Variants in LITAF observed in about 807,000 individuals in gnomAD.
The protein encoded by LITAF is lipopolysaccharide-induced tumor necrosis factor-alpha factor.
Under a neutral mutation model 14.5 loss-of-function variants are expected in LITAF, and 9 were observed. The ratio of observed to expected loss-of-function variants is 0.62; its 90% CI spans 0.37 to 1.08. The LOEUF (loss-of-function observed/expected upper bound fraction) is 1.08, where lower values mean the gene tolerates loss of function less well. Ranked by LOEUF, LITAF falls within the 50% of genes least tolerant of loss-of-function variation. The pLI is 0.01. For synonymous variants in LITAF, 98 were observed against 88.2 expected, an observed-to-expected ratio of 1.11 and a Z score of -0.62; for missense variants, 206 against 213.4, an observed-to-expected ratio of 0.97 and a Z score of 0.22.
upstream of LITAF, among the ~76,000 whole-genome samples, chr16:11,589,744 C>T (rs1426201343): frequency 1.3e-5 from 2 of 151,076 alleles, no homozygotes; most frequent in Non-Finnish European, 2.9e-5. Flanking sequence ...TCAGCCTCCT[C>T]AGTAGCTGGG....
intron 1 of LITAF, among the ~76,000 whole-genome samples, chr16:11,573,448 A>C (rs2064577726): frequency 1.3e-5 from 2 of 152,242 alleles, no homozygotes; most frequent in Admixed American, 1.3e-4. Context: ...AATAACCCCC[A>C]CATGTGGCTG....
intron 1 of LITAF, among the ~76,000 whole-genome samples, chr16:11,585,188 G>T (rs369859156): frequency 1.4e-5 from 2 of 146,626 alleles, no homozygotes; most frequent in East Asian, 4.0e-4. Context: ...AGCCGAGATC[G>T]CACCACTGCA....
At chr16:11,563,715 G>A (rs528660242) in intron 1 of LITAF, among the ~76,000 whole-genome samples, 87 of 152,202 alleles carry the variant, frequency 5.7e-4, no homozygotes, top group East Asian at 9.7e-4. Flanking sequence ...ATGATCAGCC[G>A]AGGATGGAAA....
rs142076172 is a variant in LITAF, at chr16:11,613,832, G to A, written c.85+19701C>T. On this transcript the variant is annotated intron_variant, in intron 3 of 3. Transcript: ENST00000574848. ...TCAGAAATGAGGATCTGTACTCCGAGAGCCGGCCTCACCCTGCCACATGTT... is the reference window on the plus strand; with the variant it reads ...TCAGAAATGAGGATCTGTACTCCGAAAGCCGGCCTCACCCTGCCACATGTT... Among the ~76,000 whole-genome samples the A allele has an allele frequency of 9.8e-5, 15 of 152,348 alleles. No homozygotes were observed. In the East Asian group the frequency reaches 2.9e-3, roughly 29 times the overall value.
rs1322564162 is a variant in LITAF at position 11,548,193 on chromosome 16, T to C, written c.*1444A>G. 6.6e-6 allele frequency: 3 copies of C among 454,112 alleles called. No homozygotes were observed. Among genetic ancestry groups the C allele is most frequent in the South Asian group, 3.1e-5 (2 of 64,480 alleles). 28.1% of individuals were successfully genotyped at this position (454,112 alleles called of 1,614,324 possible). A position where few individuals can be genotyped will look rare whatever the true frequency, so the allele number is the denominator to read the frequency against. ...AGGTCTAGGTTTTATTTCTACATAG[T>C]AGTATTCACATGAGTTCCCTATTCT... On this transcript the variant is annotated 3_prime_UTR_variant, in exon 4 of 4. Transcript: ENST00000622633.
intron 3 of LITAF, among the ~76,000 whole-genome samples, chr16:11,626,854 T>TG (rs1368773540): frequency 6.6e-6 from 1 of 151,470 alleles, no homozygotes; most frequent in Non-Finnish European, 1.5e-5. Flanking sequence ...TTCTTTTTTT[T>TG]GTTTTTTTTT....
In LITAF at chr16:11,549,660, G is replaced by A; in HGVS notation, c.463C>T (p.Leu155=). Residue 155 remains leucine (L), a synonymous_variant, in exon 4 of 4, where the codon CTG becomes TTG. Transcript: ENST00000622633. The surrounding 1 kb of genome is among the most constrained non-coding windows in gnomAD (Gnocchi z 4.6). The part of the protein sequence containing the change: ...DHYCPNCRAL[L]GTYKRL ...TCCTACAAACGCTTGTAGGTGCCCAGGAGAGCTCTGCAGTTGGGACAGTAA... is the reference window on the plus strand; with the variant it reads ...TCCTACAAACGCTTGTAGGTGCCCAAGAGAGCTCTGCAGTTGGGACAGTAA... The A allele has an allele frequency of 6.2e-7, 1 of 1,613,460 alleles. No individual in the cohort carries two copies. The highest frequency in any genetic ancestry group is 8.5e-7 in the Non-Finnish European group (1 of 1,179,718).
chr16:11,602,982 C>T (rs988942530), upstream of LITAF, among the ~76,000 whole-genome samples: 1 of 151,958 alleles, frequency 6.6e-6, no homozygotes, highest in East Asian at 1.9e-4. Context: ...ATTATGGTTG[C>T]CCATGCCTGT....
chr16:11,550,766 G>A (rs575785801), intron 3 of LITAF, among the ~76,000 whole-genome samples: 15 of 152,224 alleles, frequency 9.9e-5, no homozygotes, highest in Admixed American at 7.9e-4. Flanking sequence ...AAATTGCTGG[G>A]ATTACAGGTG....
chr16:11,602,877 G>A (rs1013476362), upstream of LITAF, among the ~76,000 whole-genome samples: 7 of 151,958 alleles, frequency 4.6e-5, no homozygotes, highest in African/African-American at 1.2e-4. Flanking sequence ...TTGAGAGGCC[G>A]AGGTGGGAGG....
chr16:11,556,836 G>C, intron 1 of LITAF, 101 bp from the exon 2 acceptor site: 5 of 1,040,756 alleles, frequency 4.8e-6, no homozygotes, highest in Non-Finnish European at 7.3e-6. Flanking sequence ...CAGAAATTCT[G>C]AGAAAATGAC....
At chr16:11,585,230 CAAAA>C (rs35542925) in intron 1 of LITAF, among the ~76,000 whole-genome samples, 9 of 90,682 alleles carry the variant, frequency 9.9e-5, no homozygotes, top group Non-Finnish European at 1.4e-4. Flanking sequence ...GACTCTGTCT[CAAAA>C]AAAAAAAAAA....
chr16:11,604,113 T>G (rs538714113), intron 3 of LITAF, among the ~76,000 whole-genome samples: 1 of 152,254 alleles, frequency 6.6e-6, no homozygotes, highest in South Asian at 2.1e-4. Flanking sequence ...GAGGATTGCT[T>G]GAGCCCAGGA....
In LITAF at chr16:11,573,701, C is replaced by CTT. The variant is rs58695999; in HGVS notation, c.-6+13183_-6+13184dup. ...GTGTATGGTGAGAGAAGAAGATATC[C>CTT]TTTTTTTTTTTTTTTTTTTTTTAGG... On this transcript the variant is annotated intron_variant, in intron 1 of 3. Transcript: ENST00000622633. 1.6e-3 allele frequency among the ~76,000 whole-genome samples: 178 copies of CTT among 111,892 alleles called. 3 individuals carry two copies. The highest frequency in any genetic ancestry group is 1.0e-2 in the South Asian group (33 of 3,302). The allele number at this position is 111,892 out of a possible 152,430, so 73.4% of individuals were successfully genotyped here. A position where few individuals can be genotyped will look rare whatever the true frequency, so the allele number is the denominator to read the frequency against.
At chr16:11,603,535 G>A (rs191951051) in intron 3 of LITAF, among the ~76,000 whole-genome samples, 3 of 152,198 alleles carry the variant, frequency 2.0e-5, no homozygotes, top group Non-Finnish European at 4.4e-5. Context: ...TGGAACAGGC[G>A]CTCCAGTTTT....
intron 3 of LITAF, among the ~76,000 whole-genome samples, chr16:11,617,883 G>A (rs898373823): frequency 1.3e-4 from 20 of 151,762 alleles, no homozygotes; most frequent in African/African-American, 4.8e-4. Flanking sequence ...TTCATTTTAT[G>A]TATTTGAGAC....
chr16:11,621,895 C>T (rs1310797156), intron 3 of LITAF, among the ~76,000 whole-genome samples: 1 of 152,198 alleles, frequency 6.6e-6, no homozygotes, highest in African/African-American at 2.4e-5. Context: ...TCCTACGTTG[C>T]TGCAGCCCAT....
At position 11,612,773 on chromosome 16, in the gene LITAF, T is replaced by A. The variant is rs57758888; in HGVS notation, c.85+20760A>T. On this transcript the variant is annotated intron_variant, in intron 3 of 3. Coordinates refer to the LITAF transcript ENST00000574848. ...GGGACGAGGACAGACTGAAAAGAGA[T>A]GTTTGGAGGATGAGTCCGCCCTCTT... Among the ~76,000 whole-genome samples, 111 of 152,248 alleles carry A rather than the reference T, an allele frequency of 7.3e-4. 1 individual carries two copies. The East Asian group carries it at 0.015, about 21-fold the overall frequency.
intron 1 of LITAF, among the ~76,000 whole-genome samples, chr16:11,584,544 C>G (rs570227460): frequency 1.1e-4 from 16 of 152,264 alleles, no homozygotes; most frequent in Admixed American, 9.2e-4. Context: ...TTGTCTGTAC[C>G]TCTTCCACAG....
Sources: allele counts gnomAD v4.1 joint callset (sites outside exome capture counted in the v4.1 genomes callset), GRCh38; gene constraint gnomAD v4.1.1; non-coding constraint Gnocchi (gnomAD v3.1); transcripts MANE v1.5; gene names NCBI Gene and HGNC (gene_info 2026-07-23, HGNC 2026-07-21).